CADPS: variants seen among roughly 807,000 people sequenced by gnomAD.
CADPS encodes calcium dependent secretion activator, also known as calcium-dependent secretion activator 1.
CADPS carries 57 observed loss-of-function variants against 167.3 expected under a neutral mutation model. The observed-to-expected ratio is 0.34, with a 90% CI of 0.28 to 0.42. The LOEUF (loss-of-function observed/expected upper bound fraction) is 0.42. Ranked by LOEUF, CADPS falls within the 20% of genes least tolerant of loss-of-function variation. CADPS has a pLI of 1.00. For synonymous variants in CADPS, 676 were observed against 635.3 expected, an observed-to-expected ratio of 1.06 and a Z score of -0.96; for missense variants, 1,414 against 1,738.1, an observed-to-expected ratio of 0.81 and a Z score of 3.32.
chr3:62,748,438 GCA>G (rs1394605785), intron 3 of CADPS, among the ~76,000 whole-genome samples: 4 of 149,458 alleles, frequency 2.7e-5, no homozygotes, highest in Non-Finnish European at 5.9e-5. Context: ...GAAAATATCC[GCA>G]CAGTTTTGAA....
intron 3 of CADPS, among the ~76,000 whole-genome samples, chr3:62,672,482 G>C (rs1178772511): frequency 6.6e-6 from 1 of 152,258 alleles, no homozygotes; most frequent in Non-Finnish European, 1.5e-5. Flanking sequence ...GTTGCCATCT[G>C]GCTCCTGCAC....
At position 62,438,393 on chromosome 3, in the gene CADPS, C is replaced by T; in HGVS notation, c.3670-182G>A. 9.4e-6 allele frequency: 5 copies of T among 529,502 alleles called. No homozygotes were observed. Among genetic ancestry groups the T allele is most frequent in the Non-Finnish European group, 1.7e-5 (5 of 295,684 alleles). 32.8% of individuals were successfully genotyped at this position (529,502 alleles called of 1,614,324 possible). ...GTAGGAATTGATATTAGAACTGCTT[C>T]CTCTTTCCAGAAATCAAGCCTGGCT... On this transcript the variant is annotated intron_variant, in intron 27 of 29. Coordinates refer to ENST00000383710, the MANE Select transcript of CADPS (RefSeq NM_003716.4). This position sits in a 1 kb window ranked among gnomAD's most constrained non-coding sequence, Gnocchi z 4.7.
intron 26 of CADPS, among the ~76,000 whole-genome samples, chr3:62,464,739 C>T (rs1421012021): frequency 6.6e-6 from 1 of 151,814 alleles, no homozygotes; most frequent in Non-Finnish European, 1.5e-5. Flanking sequence ...GCTCCTAAGC[C>T]CAGGTAGGTA....
intron 6 of CADPS, among the ~76,000 whole-genome samples, chr3:62,630,162 A>G (rs973768742): frequency 6.6e-6 from 1 of 152,146 alleles, no homozygotes; most frequent in Non-Finnish European, 1.5e-5. Context: ...TGTCTAATAC[A>G]TATTTTTTTG....
chr3:62,820,638 T>C (rs1175142906), intron 1 of CADPS, among the ~76,000 whole-genome samples: 1 of 152,160 alleles, frequency 6.6e-6, no homozygotes, highest in Non-Finnish European at 1.5e-5. Context: ...CAATACTATC[T>C]GAAGGGTGAA....
intron 8 of CADPS, among the ~76,000 whole-genome samples, chr3:62,583,207 C>T (rs1037817516): frequency 1.3e-5 from 2 of 148,648 alleles, no homozygotes; most frequent in African/African-American, 4.9e-5. Context: ...CTGTTCTGCT[C>T]ACTCATGTGC....
intron 3 of CADPS, among the ~76,000 whole-genome samples, chr3:62,705,255 G>A (rs1484693312): frequency 6.6e-6 from 1 of 152,000 alleles, no homozygotes; most frequent in Non-Finnish European, 1.5e-5. Context: ...TCTCCCTTTC[G>A]AGGCAGTAAG....
chr3:62,756,364 G>A (rs980100576), intron 2 of CADPS, among the ~76,000 whole-genome samples: 12 of 152,176 alleles, frequency 7.9e-5, no homozygotes, highest in African/African-American at 2.9e-4. Context: ...ACCATGCCTG[G>A]CCTGATTCTC....
intron 3 of CADPS, among the ~76,000 whole-genome samples, chr3:62,671,680 G>T (rs1298143393): frequency 2.0e-5 from 3 of 152,150 alleles, no homozygotes; most frequent in African/African-American, 7.2e-5. Context: ...CCCAGAGAGA[G>T]ATAAAAGGCA....
intron 11 of CADPS, among the ~76,000 whole-genome samples, chr3:62,549,247 A>G (rs991297302): frequency 6.6e-6 from 1 of 152,150 alleles, no homozygotes; most frequent in African/African-American, 2.4e-5. Flanking sequence ...CTTTCACCTC[A>G]CCCTGTGTAT....
chr3:62,811,529 C>T (rs536775679), intron 1 of CADPS, among the ~76,000 whole-genome samples: 16 of 152,278 alleles, frequency 1.1e-4, no homozygotes, highest in South Asian at 2.1e-4. Context: ...TGTTAAAAGC[C>T]GTGCATTATA....
intron 1 of CADPS, among the ~76,000 whole-genome samples, chr3:62,786,352 T>C (rs1414753473): frequency 2.0e-5 from 3 of 151,984 alleles, no homozygotes; most frequent in African/African-American, 4.8e-5. Flanking sequence ...GATGTACCCA[T>C]ATATTTGACA....
chr3:62,808,017 G>A (rs901497660), intron 1 of CADPS, among the ~76,000 whole-genome samples: 3 of 151,958 alleles, frequency 2.0e-5, no homozygotes, highest in Admixed American at 1.3e-4. Context: ...GGGACTACGG[G>A]CGCACATCAC....
At chr3:62,451,953 T>A (rs911675178) in intron 26 of CADPS, among the ~76,000 whole-genome samples, 2 of 152,218 alleles carry the variant, frequency 1.3e-5, no homozygotes, top group African/African-American at 2.4e-5. Flanking sequence ...GGTTTGATTT[T>A]TCATCTCTCA....
intron 3 of CADPS, among the ~76,000 whole-genome samples, chr3:62,734,397 A>G (rs1327067658): frequency 6.6e-6 from 1 of 152,198 alleles, no homozygotes; most frequent in Non-Finnish European, 1.5e-5. Flanking sequence ...CATTACAGAC[A>G]TAGAACATTT....
Position 62,816,854 on chromosome 3 carries a change from G to A in CADPS, c.442-50870C>T, listed in dbSNP as rs181973818. Among the ~76,000 whole-genome samples, 3 of 152,244 alleles carry A rather than the reference G, an allele frequency of 2.0e-5. No homozygotes were observed. The East Asian group carries it at 5.8e-4, about 29-fold the overall frequency. ...AGTTTTCAAATCTCTTTAGTCCACA[G>A]TGACAAAGATCTACTAGTGATCCAG... On this transcript the variant is annotated intron_variant, in intron 1 of 29. Coordinates refer to ENST00000383710, the MANE Select transcript of CADPS (RefSeq NM_003716.4).
intron 29 of CADPS, among the ~76,000 whole-genome samples, chr3:62,402,039 T>C (rs1326235191): frequency 6.6e-6 from 1 of 152,186 alleles, no homozygotes; most frequent in Non-Finnish European, 1.5e-5. Context: ...GTCCATAGTC[T>C]AAGTGTATAC....
intron 9 of CADPS, among the ~76,000 whole-genome samples, chr3:62,570,378 C>T (rs1184038114): frequency 6.6e-6 from 1 of 152,120 alleles, no homozygotes; most frequent in Non-Finnish European, 1.5e-5. Flanking sequence ...AATTCAAACA[C>T]ACTAAATAAT....
At chr3:62,701,434 G>T (rs2081363221) in intron 3 of CADPS, among the ~76,000 whole-genome samples, 1 of 151,476 alleles carries the variant, frequency 6.6e-6, no homozygotes, top group Admixed American at 6.6e-5. Context: ...TGACCACTGA[G>T]GAGTCTCTTT....
Sources: allele counts gnomAD v4.1 joint callset (sites outside exome capture counted in the v4.1 genomes callset), GRCh38; gene constraint gnomAD v4.1.1; non-coding constraint Gnocchi (gnomAD v3.1); transcripts MANE v1.5; gene names NCBI Gene and HGNC (gene_info 2026-07-23, HGNC 2026-07-21).